The following STK32A variants were observed in gnomAD, a reference collection of about 807,000 sequenced individuals.
STK32A encodes serine/threonine-protein kinase 32A.
In STK32A, 41 loss-of-function variants were observed where a neutral mutation model predicts 53.2. The observed-to-expected ratio is 0.77, with a 90% confidence interval of 0.60 to 1.00. STK32A has a LOEUF of 1.00. Ranked by LOEUF, STK32A falls within the 50% of genes least tolerant of loss-of-function variation. STK32A has a pLI of 0.00. For missense variants in STK32A, 458 were observed against 485.8 expected, an observed-to-expected ratio of 0.94 and a Z score of 0.54; for synonymous variants, 166 against 162.8, an observed-to-expected ratio of 1.02 and a Z score of -0.15.
Position 147,384,209 on chromosome 5 carries a change from C to T in STK32A, c.*226C>T. The T allele has an allele frequency of 7.2e-7, 1 of 1,390,698 alleles. No homozygotes were observed. Among genetic ancestry groups the T allele is most frequent in the Non-Finnish European group, 9.3e-7 (1 of 1,074,002 alleles). The allele number at this position is 1,390,698 out of a possible 1,614,324, so 86.1% of individuals were successfully genotyped here. On this transcript the variant is annotated 3_prime_UTR_variant, in exon 13 of 13. Coordinates refer to ENST00000397936, the MANE Select transcript of STK32A (RefSeq NM_001112724.2). ...GTGTGATCTAGAGCAAGTCACTTAG[C>T]CACTTTCTGTGCTTTACTTTATTTA...
At chr5:147,323,483 G>A (rs1028335160) in intron 4 of STK32A, among the ~76,000 whole-genome samples, 2 of 152,132 alleles carry the variant, frequency 1.3e-5, no homozygotes, top group Admixed American at 6.5e-5. Flanking sequence ...AGAAAAATGG[G>A]CATGAGGATA....
chr5:147,262,617 A>G (rs67886442), intron 2 of STK32A, among the ~76,000 whole-genome samples: 34,950 of 151,200 alleles, frequency 0.23, 4,572 homozygotes, highest in Admixed American at 0.33. Context: ...AAAAAACAAG[A>G]CTTCTAGGGA....
chr5:147,306,512 A>T (rs2151968619), intron 4 of STK32A, among the ~76,000 whole-genome samples: 1 of 151,492 alleles, frequency 6.6e-6, no homozygotes, highest in East Asian at 1.9e-4. Flanking sequence ...AGTTGGCAAT[A>T]ATAAATATTT....
intron 2 of STK32A, among the ~76,000 whole-genome samples, chr5:147,243,754 G>T (rs1580977341): frequency 8.1e-6 from 1 of 122,880 alleles, no homozygotes; most frequent in Non-Finnish European, 1.8e-5. Flanking sequence ...AAAACGGCTT[G>T]CTTATTTGAT....
chr5:147,268,311 C>T (rs1004857810), intron 2 of STK32A, among the ~76,000 whole-genome samples: 1 of 152,162 alleles, frequency 6.6e-6, no homozygotes, highest in African/African-American at 2.4e-5. Flanking sequence ...TTGCAACATT[C>T]TTCTGAGGTT....
intron 4 of STK32A, among the ~76,000 whole-genome samples, chr5:147,313,270 A>G (rs1285873525): frequency 6.6e-6 from 1 of 152,076 alleles, no homozygotes; most frequent in Non-Finnish European, 1.5e-5. Context: ...CAACAAACAA[A>G]GATAGATGCA....
At chr5:147,342,870 T>A in intron 5 of STK32A, 136 bp from the exon 6 acceptor site, 1 of 670,440 alleles carries the variant, frequency 1.5e-6, no homozygotes, top group East Asian at 2.6e-5. Context: ...CTGTGAGAAT[T>A]GAATGAGAAG....
At position 147,319,134 on chromosome 5, in the gene STK32A, T is replaced by G. The variant is rs1417563517; in HGVS notation, c.261-4764T>G. 2.8e-5 allele frequency among the ~76,000 whole-genome samples: 4 copies of G among 144,920 alleles called. No individual in the cohort carries two copies. In the Admixed American group the frequency reaches 2.9e-4, roughly 10 times the overall value. ...TTCAGTTAAAAAACAAAAACACAAC[T>G]GGTACTTTTTTTTTTTTTTTTTTTT... On this transcript the variant is annotated intron_variant, in intron 4 of 12. Coordinates refer to ENST00000397936, the MANE Select transcript of STK32A (RefSeq NM_001112724.2).
rs139570914 is a variant in STK32A, at chr5:147,386,080, T to C, written c.*2097T>C. Reference sequence around the variant, plus strand: ...CAGAGTTTCGGGCAGAGCTGTGAAATAGTGCTTCTCTAATAGCAACCATAT... The same window carrying C: ...CAGAGTTTCGGGCAGAGCTGTGAAACAGTGCTTCTCTAATAGCAACCATAT... On this transcript the variant is annotated 3_prime_UTR_variant, in exon 13 of 13. Coordinates refer to ENST00000397936, the MANE Select transcript of STK32A (RefSeq NM_001112724.2). 2 of 152,336 alleles carry C rather than the reference T, an allele frequency of 1.3e-5. No individual in the cohort carries two copies. The highest frequency in any genetic ancestry group is 1.9e-4 in the East Asian group (1 of 5,186). 9.4% of individuals were successfully genotyped at this position (152,336 alleles called of 1,614,324 possible). A position where few individuals can be genotyped will look rare whatever the true frequency, so the allele number is the denominator to read the frequency against.
intron 5 of STK32A, among the ~76,000 whole-genome samples, chr5:147,340,411 A>G (rs894081733): frequency 6.6e-6 from 1 of 152,224 alleles, no homozygotes; most frequent in African/African-American, 2.4e-5. Flanking sequence ...TGTCAATGAA[A>G]GAAACATTTT....
At chr5:147,363,997 C>A (rs1234273243) in intron 8 of STK32A, among the ~76,000 whole-genome samples, 1 of 152,014 alleles carries the variant, frequency 6.6e-6, no homozygotes, top group Non-Finnish European at 1.5e-5. Flanking sequence ...GGGCAGATCA[C>A]CTGAGGTCAG....
chr5:147,259,223 A>G lies in STK32A; in HGVS notation c.53-18901A>G, dbSNP rs116340120. 2.8e-3 allele frequency among the ~76,000 whole-genome samples: 420 copies of G among 152,310 alleles called. 1 individual carries two copies. The highest frequency in any genetic ancestry group is 9.7e-3 in the African/African-American group (404 of 41,568). On this transcript the variant is annotated intron_variant, in intron 2 of 12. Coordinates refer to ENST00000397936, the MANE Select transcript of STK32A (RefSeq NM_001112724.2). The stretch of plus-strand genomic sequence containing the variant: ...TTTAAGATTTTTCAGTTAGTAAGCT[A>G]CATTTTCACTTTTTATATATTTTTT...
intron 7 of STK32A, among the ~76,000 whole-genome samples, chr5:147,356,342 C>G (rs11951154): frequency 0.22 from 34,219 of 152,126 alleles, 4,973 homozygotes; most frequent in African/African-American, 0.41. Flanking sequence ...TGTGAGGCCA[C>G]TACTATCGTT....
At chr5:147,369,728 T>C (rs111760673) in intron 8 of STK32A, among the ~76,000 whole-genome samples, 3,902 of 152,272 alleles carry the variant, frequency 0.026, 194 homozygotes, top group African/African-American at 0.09. Context: ...GGGCCAGGCA[T>C]GTGATCAATG....
chr5:147,266,998 C>T (rs1257807755), intron 2 of STK32A, among the ~76,000 whole-genome samples: 1 of 149,826 alleles, frequency 6.7e-6, no homozygotes, highest in African/African-American at 2.5e-5. Flanking sequence ...ACTTGTACTC[C>T]AGCCTGGGCA....
chr5:147,300,841 T>C lies in STK32A; in HGVS notation c.260+21443T>C, dbSNP rs75581913. Among the ~76,000 whole-genome samples the C allele has an allele frequency of 1.1e-4, 16 of 152,324 alleles. 1 individual carries two copies. The East Asian group carries it at 2.9e-3, about 28-fold the overall frequency. ...ACAGGAATACTCATGTCAGTACTAC[T>C]TTGAATGACAGTGATAAGAATATGT... On this transcript the variant is annotated intron_variant, in intron 4 of 12. Coordinates refer to ENST00000397936, the MANE Select transcript of STK32A (RefSeq NM_001112724.2).
rs548865000 is a variant in STK32A at position 147,359,092 on chromosome 5, A to G, written c.563-2425A>G. ...TATGTATAGAAATACATAATGAGCA[A>G]TACCAAACAAAATACTCAGTGGCTT... On this transcript the variant is annotated intron_variant, in intron 7 of 12. Transcript: ENST00000397936. 1.2e-3 allele frequency among the ~76,000 whole-genome samples: 188 copies of G among 152,314 alleles called. 1 individual carries two copies. The highest frequency in any genetic ancestry group is 2.2e-3 in the Admixed American group (34 of 15,296).
chr5:147,360,741 A>T (rs1206103956), intron 7 of STK32A, among the ~76,000 whole-genome samples: 1 of 152,222 alleles, frequency 6.6e-6, no homozygotes, highest in Non-Finnish European at 1.5e-5. Flanking sequence ...TATGGTGGTG[A>T]GCATGCAGAA....
At chr5:147,261,550 G>A (rs1312737451) in intron 2 of STK32A, among the ~76,000 whole-genome samples, 1 of 152,124 alleles carries the variant, frequency 6.6e-6, no homozygotes, top group African/African-American at 2.4e-5. Context: ...GAATGAGTCA[G>A]GGTGGAGTAG....
Sources: gnomAD v4.1 joint callset for allele counts (sites outside exome capture counted in the v4.1 genomes callset) on GRCh38, gnomAD v4.1.1 for gene constraint, MANE v1.5 for transcripts, NCBI Gene and HGNC (gene_info 2026-07-23, HGNC 2026-07-21) for gene names.